UPF2: variants seen among roughly 807,000 people sequenced by gnomAD.
The protein encoded by UPF2 is regulator of nonsense transcripts 2.
A neutral mutation model predicts 141.4 loss-of-function variants in UPF2; 17 were observed. That is an observed-to-expected ratio of 0.12 (90% CI 0.08 to 0.18). The LOEUF is 0.18. Among genes scored for constraint, UPF2 ranks in the 10% least tolerant of loss-of-function variants. UPF2 has a pLI of 1.00. For missense variants in UPF2, 1,152 were observed against 1,515.9 expected (o/e 0.76, Z 3.99); for synonymous variants, 540 against 498.0 (o/e 1.08, Z -1.12).
intron 9 of UPF2, among the ~76,000 whole-genome samples, chr10:11,968,069 C>T (rs565026915): frequency 6.6e-6 from 1 of 152,182 alleles, no homozygotes; most frequent in Admixed American, 6.5e-5. Context: ...ATCCCACCTA[C>T]TTGGGAAGCT....
At chr10:11,985,195 CT>C (rs1428101657) in intron 8 of UPF2, among the ~76,000 whole-genome samples, 3 of 152,198 alleles carry the variant, frequency 2.0e-5, no homozygotes, top group African/African-American at 7.2e-5. Context: ...TCCTCTACCC[CT>C]ATAAAAAGGA....
At chr10:11,929,213 T>C (rs971388239) in intron 21 of UPF2, among the ~76,000 whole-genome samples, 1 of 152,150 alleles carries the variant, frequency 6.6e-6, no homozygotes, top group African/African-American at 2.4e-5. Flanking sequence ...AGAAAATAGA[T>C]TTTTAGTTTT....
chr10:11,948,272 C>T, intron 16 of UPF2, 97 bp downstream of exon 16: 1 of 891,084 alleles, frequency 1.1e-6, no homozygotes, highest in Non-Finnish European at 1.6e-6. Flanking sequence ...AAAAAAAAAC[C>T]AGGAGGAGGT....
intron 5 of UPF2, among the ~76,000 whole-genome samples, chr10:12,003,663 C>G (rs986361496): frequency 1.6e-4 from 25 of 152,248 alleles, no homozygotes; most frequent in African/African-American, 6.0e-4. Flanking sequence ...CGGTGGCTCA[C>G]GCCTGTAATC....
At chr10:11,955,151 A>T (rs1338693298) in intron 14 of UPF2, 81 bp downstream of exon 14, 1 of 1,319,568 alleles carries the variant, frequency 7.6e-7, no homozygotes, top group Non-Finnish European at 1.0e-6. Context: ...GAATACCATA[A>T]CGTTTCTTCT....
chr10:11,948,247 CAAAAAAAAAAAAA>C (rs139062017), intron 16 of UPF2, 109 bp downstream of exon 16: 2 of 472,728 alleles, frequency 4.2e-6, no homozygotes, highest in African/African-American at 6.7e-5. Context: ...GACTCTGTCT[CAAAAAAAAAAAAA>C]AAAAAAAAAA....
In UPF2 at chr10:12,016,393, T is replaced by C. The variant is rs1485812983; in HGVS notation, c.1146-2209A>G. On this transcript the variant is annotated intron_variant, in intron 3 of 21. Transcript: ENST00000357604. This position sits in a 1 kb window ranked among gnomAD's most constrained non-coding sequence, Gnocchi z 4.1. Reference sequence around the variant, plus strand: ...TTAAATAAAATACTCGAATAAGTAATGCTCAGAAGTAGGTTACTTAGGCTG... The same window carrying C: ...TTAAATAAAATACTCGAATAAGTAACGCTCAGAAGTAGGTTACTTAGGCTG... Among the ~76,000 whole-genome samples the C allele has an allele frequency of 2.0e-5, 3 of 151,970 alleles. No homozygotes were observed. Among genetic ancestry groups the C allele is most frequent in the African/African-American group, 4.8e-5 (2 of 41,390 alleles).
Position 11,940,217 on chromosome 10 carries a change from C to T in UPF2, c.3378+2448G>A, listed in dbSNP as rs1333981610. ...GAACTTCCCTCCTCGATTACATCTT[C>T]CCATCCTTCCAGCTTGCTTCTTCAA... is the stretch of plus-strand genomic sequence containing the variant. On this transcript the variant is annotated intron_variant, in intron 18 of 21. Transcript: ENST00000357604. This position sits in a 1 kb window ranked among gnomAD's most constrained non-coding sequence, Gnocchi z 4.2. Among the ~76,000 whole-genome samples, 1 of 152,202 alleles carries T rather than the reference C, an allele frequency of 6.6e-6. No individual in the cohort carries two copies. Among genetic ancestry groups the T allele is most frequent in the Non-Finnish European group, 1.5e-5 (1 of 68,036 alleles).
intron 21 of UPF2, among the ~76,000 whole-genome samples, chr10:11,922,630 GCAAA>G (rs1205688055): frequency 1.3e-5 from 2 of 152,184 alleles, no homozygotes; most frequent in Non-Finnish European, 2.9e-5. Context: ...TGGTTTATAA[GCAAA>G]CAATCATTCT....
At position 12,035,084 on chromosome 10, in the gene UPF2, C is replaced by G. The variant is rs769626128; in HGVS notation, c.340G>C (p.Glu114Gln). 1 of 1,571,924 alleles carries G rather than the reference C, an allele frequency of 6.4e-7. No homozygotes were observed. The highest frequency in any genetic ancestry group is 1.2e-5 in the South Asian group (1 of 82,790). ...KQEEQAKRQQ[E>Q]EEAAAQMKEK... ...TTCATCTGAGCAGCTGCTTCTTCTT[C>G]TTGCTGACGTTTGGCCTGCTCTTCT... Residue 114 changes from glutamate (E) to glutamine (Q), a missense_variant, in exon 2 of 22, where the codon GAA becomes CAA. Glu to Gln is a conservative substitution (Grantham distance 29). Transcript: ENST00000357604.
chr10:11,930,792 G>T (rs574589944), intron 20 of UPF2, among the ~76,000 whole-genome samples: 55 of 152,242 alleles, frequency 3.6e-4, no homozygotes, highest in African/African-American at 1.3e-3. Flanking sequence ...CAAAAACACT[G>T]TTGGGTATCG....
rs574006311 is a variant in UPF2, at chr10:11,979,777, C to T, written c.1845-612G>A. ...AAAATTAGACAGGTATGGTGGCATG[C>T]GCCTGTAGTCACAGCTACTCGGGAG... On this transcript the variant is annotated intron_variant, in intron 8 of 21. Coordinates refer to ENST00000357604, the MANE Select transcript of UPF2 (RefSeq NM_015542.4). This position sits in a 1 kb window ranked among gnomAD's most constrained non-coding sequence, Gnocchi z 6.2. Among the ~76,000 whole-genome samples, 5 of 152,200 alleles carry T rather than the reference C, an allele frequency of 3.3e-5. No homozygotes were observed. The highest frequency in any genetic ancestry group is 9.6e-5 in the African/African-American group (4 of 41,534).
At chr10:12,015,129 A>G (rs1257267148) in intron 3 of UPF2, among the ~76,000 whole-genome samples, 1 of 152,236 alleles carries the variant, frequency 6.6e-6, no homozygotes, top group East Asian at 1.9e-4. Flanking sequence ...AAATTTATAA[A>G]CCATAATGCA....
chr10:12,019,615 CTT>C lies in UPF2; in HGVS notation c.1146-5433_1146-5432del, dbSNP rs1834282495. Among the ~76,000 whole-genome samples, 1 of 152,162 alleles carries C rather than the reference CTT, an allele frequency of 6.6e-6. No homozygotes were observed. Among genetic ancestry groups the C allele is most frequent in the African/African-American group, 2.4e-5 (1 of 41,426 alleles). On this transcript the variant is annotated intron_variant, in intron 3 of 21. Coordinates refer to ENST00000357604, the MANE Select transcript of UPF2 (RefSeq NM_015542.4). The surrounding 1 kb of genome is among the most constrained non-coding windows in gnomAD (Gnocchi z 4.5). ...AACAAAATCTATGCCAACTCTTATG[CTT>C]TGTTATAAAAATAAAAAAAAATTGC...
In UPF2 at chr10:11,931,546, T is replaced by A. The variant is rs1832781912; in HGVS notation, c.3688+95A>T. Reference sequence around the variant, plus strand: ...CAAAATGAATTTCTCAGCATAAATATGGAAAAATATGACATGAGAAGATGA... The same window carrying A: ...CAAAATGAATTTCTCAGCATAAATAAGGAAAAATATGACATGAGAAGATGA... On this transcript the variant is annotated intron_variant, in intron 20 of 21. Coordinates refer to ENST00000357604, the MANE Select transcript of UPF2 (RefSeq NM_015542.4). The surrounding 1 kb of genome is among the most constrained non-coding windows in gnomAD (Gnocchi z 5.9). The A allele has an allele frequency of 7.6e-7, 1 of 1,313,778 alleles. No homozygotes were observed. The highest frequency in any genetic ancestry group is 2.8e-5 in the Admixed American group (1 of 36,202). 81.4% of individuals were successfully genotyped at this position (1,313,778 alleles called of 1,614,324 possible).
intron 6 of UPF2, among the ~76,000 whole-genome samples, chr10:12,000,320 T>C (rs1833932120): frequency 6.6e-6 from 1 of 152,202 alleles, no homozygotes. Flanking sequence ...CCTTCCCCCA[T>C]GTTCTTCCAT....
Position 11,936,828 on chromosome 10 carries a change from C to A in UPF2, c.3379-116G>T. 1 of 997,010 alleles carries A rather than the reference C, an allele frequency of 1.0e-6. No homozygotes were observed. Among genetic ancestry groups the A allele is most frequent in the Non-Finnish European group, 1.4e-6 (1 of 718,306 alleles). 61.8% of individuals were successfully genotyped at this position (997,010 alleles called of 1,614,324 possible). ...TCTTAAAACACAACAATCATAAGAG[C>A]CATAACAGTCAACAATTACAACCAC... On this transcript the variant is annotated intron_variant, in intron 18 of 21. Transcript: ENST00000357604. This position sits in a 1 kb window ranked among gnomAD's most constrained non-coding sequence, Gnocchi z 6.6.
At chr10:12,015,423 C>T (rs1040952149) in intron 3 of UPF2, among the ~76,000 whole-genome samples, 4 of 152,210 alleles carry the variant, frequency 2.6e-5, no homozygotes, top group African/African-American at 9.6e-5. Flanking sequence ...ACAATTCGGC[C>T]AGGCATGGTG....
At chr10:11,937,574 GA>G (rs899615868) in intron 18 of UPF2, among the ~76,000 whole-genome samples, 3 of 152,208 alleles carry the variant, frequency 2.0e-5, no homozygotes, top group African/African-American at 7.2e-5. Context: ...CGAGGCAGGG[GA>G]AGAACAGGTG....
Sources: gnomAD v4.1 joint callset for allele counts (sites outside exome capture counted in the v4.1 genomes callset) on GRCh38, gnomAD v4.1.1 for gene constraint, Gnocchi (gnomAD v3.1) non-coding constraint, MANE v1.5 for transcripts, NCBI Gene and HGNC (gene_info 2026-07-23, HGNC 2026-07-21) for gene names.